VDAC1: variants seen among roughly 807,000 people sequenced by gnomAD.
VDAC1 encodes the protein non-selective voltage-gated ion channel VDAC1.
VDAC1 carries 10 observed loss-of-function variants against 34.7 expected under a neutral mutation model. That is an observed-to-expected ratio of 0.29 (90% CI 0.18 to 0.49). The LOEUF (loss-of-function observed/expected upper bound fraction) is 0.49. Ranked by LOEUF, VDAC1 falls within the 20% of genes least tolerant of loss-of-function variation. VDAC1 has a pLI of 0.99. For synonymous variants in VDAC1, 130 were observed against 136.0 expected, an observed-to-expected ratio of 0.96 and a Z score of 0.30; for missense variants, 230 against 347.9, an observed-to-expected ratio of 0.66 and a Z score of 2.69.
At position 133,979,883 on chromosome 5, in the gene VDAC1, C is replaced by A. The variant is rs117611667; in HGVS notation, c.551+846G>T. Among the ~76,000 whole-genome samples the A allele has an allele frequency of 2.3e-3, 353 of 152,330 alleles. 4 individuals carry two copies. The highest frequency in any genetic ancestry group is 5.3e-4 in the Non-Finnish European group (36 of 68,026). ...CATACCCTCCCCGCCCCCTGCCAAC[C>A]ACTAGATTGTCCATCTCTATAGTTT... On this transcript the variant is annotated intron_variant, in intron 6 of 8. Transcript: ENST00000265333.
At chr5:134,017,861 C>T in the VDAC1 span, among the ~76,000 whole-genome samples, 13 of 151,950 alleles carry the variant, frequency 8.6e-5, no homozygotes, top group African/African-American at 2.9e-4. Flanking sequence ...TGCAGTGAGC[C>T]GAGATTGTGC....
chr5:134,105,893 A>ACAGGGC, the VDAC1 span, among the ~76,000 whole-genome samples: 5 of 152,258 alleles, frequency 3.3e-5, no homozygotes, highest in African/African-American at 4.8e-5. Context: ...GCTGGAGGGA[A>ACAGGGC]CAGGGCTGCA....
At chr5:134,060,857 G>T in the VDAC1 span, among the ~76,000 whole-genome samples, 1 of 143,754 alleles carries the variant, frequency 7.0e-6, no homozygotes, top group East Asian at 2.1e-4. Context: ...TTTATTTGTT[G>T]CAGATCTCCT....
chr5:133,992,857 C>T, intron 2 of VDAC1, 89 bp downstream of exon 2: 1 of 1,290,900 alleles, frequency 7.7e-7, no homozygotes, highest in South Asian at 1.4e-5. Flanking sequence ...AGCTGACCTA[C>T]CCAGGTCTCC....
chr5:134,112,974 T>C, the VDAC1 span, among the ~76,000 whole-genome samples: 16 of 152,126 alleles, frequency 1.1e-4, no homozygotes, highest in Non-Finnish European at 1.6e-4. Context: ...CCTAAAGCCA[T>C]TGGGTTGGGC....
At chr5:134,015,381 A>T in the VDAC1 span, among the ~76,000 whole-genome samples, 1 of 152,324 alleles carries the variant, frequency 6.6e-6, no homozygotes, top group East Asian at 1.9e-4. Context: ...AATTGAAAAA[A>T]GAAAAATAAA....
At chr5:134,100,495 A>G in the VDAC1 span, among the ~76,000 whole-genome samples, 1 of 152,148 alleles carries the variant, frequency 6.6e-6, no homozygotes, top group East Asian at 1.9e-4. Flanking sequence ...CCTGTGATCT[A>G]GATCTGGGCT....
At chr5:134,054,158 G>A in the VDAC1 span, among the ~76,000 whole-genome samples, 1 of 152,192 alleles carries the variant, frequency 6.6e-6, no homozygotes, top group Non-Finnish European at 1.5e-5. Context: ...GGTTCTAAAT[G>A]AGACACCTTC....
chr5:134,107,723 A>G, the VDAC1 span, among the ~76,000 whole-genome samples: 1 of 152,226 alleles, frequency 6.6e-6, no homozygotes. Flanking sequence ...GCCTGGGAAC[A>G]ATAAGTGACA....
chr5:134,015,297 T>C, the VDAC1 span, among the ~76,000 whole-genome samples: 1 of 152,008 alleles, frequency 6.6e-6, no homozygotes, highest in Middle Eastern at 3.2e-3. Flanking sequence ...GGTTCAATCA[T>C]ACCCCAAACC....
At chr5:134,047,134 A>G in the VDAC1 span, among the ~76,000 whole-genome samples, 4 of 152,148 alleles carry the variant, frequency 2.6e-5, no homozygotes, top group African/African-American at 9.7e-5. Context: ...GACCAGAGCC[A>G]GGGGGGTCAC....
the VDAC1 span, among the ~76,000 whole-genome samples, chr5:134,033,623 C>CTAAT: frequency 1.5e-4 from 23 of 148,814 alleles, no homozygotes; most frequent in South Asian, 2.1e-4. Context: ...ACCAATAATA[C>CTAAT]TAATTAATTA....
intron 1 of VDAC1, among the ~76,000 whole-genome samples, chr5:134,002,935 CAGA>C (rs1753615414): frequency 6.7e-6 from 1 of 149,550 alleles, no homozygotes; most frequent in Non-Finnish European, 1.5e-5. Context: ...CACCGCGCTC[CAGA>C]CCTGGCAACA....
chr5:134,106,485 G>A, the VDAC1 span, among the ~76,000 whole-genome samples: 1 of 148,930 alleles, frequency 6.7e-6, no homozygotes, highest in Non-Finnish European at 1.5e-5. Context: ...TCAGCTCACT[G>A]CAACCTCTGC....
the VDAC1 span, among the ~76,000 whole-genome samples, chr5:134,069,333 C>T: frequency 1.3e-5 from 2 of 152,058 alleles, no homozygotes. Context: ...CCTGGGAGAA[C>T]ATAGTTCTCA....
chr5:134,061,355 C>T, the VDAC1 span, among the ~76,000 whole-genome samples: 3 of 151,382 alleles, frequency 2.0e-5, no homozygotes, highest in Admixed American at 6.6e-5. Context: ...AAACAGCTCA[C>T]TTGTAAAGTC....
chr5:134,070,209 T>C, the VDAC1 span, among the ~76,000 whole-genome samples: 7 of 152,190 alleles, frequency 4.6e-5, no homozygotes, highest in Non-Finnish European at 8.8e-5. Context: ...TGGCGTGATC[T>C]CGGCTCACTG....
chr5:133,996,097 G>C (rs991275780), intron 1 of VDAC1, among the ~76,000 whole-genome samples: 1 of 152,238 alleles, frequency 6.6e-6, no homozygotes, highest in Non-Finnish European at 1.5e-5. Flanking sequence ...GCTAGCCCTG[G>C]ACAGACAGAA....
upstream of VDAC1, among the ~76,000 whole-genome samples, chr5:134,005,848 A>AAC (rs1753737411): frequency 6.6e-6 from 1 of 152,216 alleles, no homozygotes; most frequent in Non-Finnish European, 1.5e-5. Context: ...GCCTTTGATC[A>AAC]ACAAACGTCC....
Sources: gnomAD v4.1 joint callset for allele counts (sites outside exome capture counted in the v4.1 genomes callset) on GRCh38, gnomAD v4.1.1 for gene constraint, MANE v1.5 for transcripts, NCBI Gene and HGNC (gene_info 2026-07-23, HGNC 2026-07-21) for gene names.